ROBO1: variants seen among roughly 807,000 people sequenced by gnomAD.
ROBO1 encodes roundabout homolog 1.
In ROBO1, 149 loss-of-function variants were observed where a neutral mutation model predicts 195.9. The ratio of observed to expected loss-of-function variants is 0.76; its 90% CI spans 0.67 to 0.87. The LOEUF is 0.87. Ranked by LOEUF, ROBO1 falls within the 40% of genes least tolerant of loss-of-function variation. The pLI, the probability that ROBO1 is intolerant of heterozygous loss-of-function variation, is 0.00. For synonymous variants in ROBO1, 816 were observed against 733.2 expected, an observed-to-expected ratio of 1.11 and a Z score of -1.82; for missense variants, 1,933 against 2,068.3, an observed-to-expected ratio of 0.93 and a Z score of 1.27.
In ROBO1 at chr3:78,854,814, T is replaced by G. The variant is rs1239927483; in HGVS notation, c.499+83787A>C. On this transcript the variant is annotated intron_variant, in intron 4 of 30. Coordinates refer to ENST00000464233, the MANE Select transcript of ROBO1 (RefSeq NM_002941.4). ...AAATGCGATGAAGATTATAGGTTCC[T>G]TTCACATATTTCAACTAACTTTTAT... 2.0e-5 allele frequency among the ~76,000 whole-genome samples: 3 copies of G among 152,182 alleles called. No individual in the cohort carries two copies. In the East Asian group the frequency reaches 5.8e-4, roughly 29 times the overall value.
chr3:79,556,792 T>C (rs1330490910), intron 2 of ROBO1, among the ~76,000 whole-genome samples: 2 of 151,940 alleles, frequency 1.3e-5, no homozygotes, highest in Admixed American at 6.6e-5. Context: ...AATGAATACA[T>C]TTCACAAAAG....
intron 1 of ROBO1, among the ~76,000 whole-genome samples, chr3:79,618,810 TGG>T (rs1183834639): frequency 6.6e-6 from 1 of 152,118 alleles, no homozygotes; most frequent in African/African-American, 2.4e-5. Flanking sequence ...AATTTCAAAT[TGG>T]GTAAGTGGTT....
At chr3:78,711,693 TAGTC>T (rs1178689879) in intron 8 of ROBO1, among the ~76,000 whole-genome samples, 2 of 150,736 alleles carry the variant, frequency 1.3e-5, no homozygotes, top group Non-Finnish European at 2.9e-5. Flanking sequence ...TTCACCATGT[TAGTC>T]AGGCCGGTCT....
chr3:79,414,594 C>A (rs1281074494), intron 2 of ROBO1, among the ~76,000 whole-genome samples: 2 of 152,008 alleles, frequency 1.3e-5, no homozygotes, highest in Admixed American at 6.6e-5. Context: ...ACATTTATTC[C>A]TTTTTAATTT....
intron 28 of ROBO1, among the ~76,000 whole-genome samples, chr3:78,612,550 G>C (rs146618915): frequency 6.6e-6 from 1 of 152,128 alleles, no homozygotes; most frequent in Non-Finnish European, 1.5e-5. Context: ...CTTTTATTTA[G>C]TGCATTAACA....
chr3:79,037,608 G>C (rs1411106127), intron 3 of ROBO1, among the ~76,000 whole-genome samples: 1 of 152,110 alleles, frequency 6.6e-6, no homozygotes, highest in Non-Finnish European at 1.5e-5. Context: ...TTGTTCAGAA[G>C]CCATGCTGCT....
At chr3:79,206,612 T>C (rs2081873064) in intron 2 of ROBO1, among the ~76,000 whole-genome samples, 1 of 152,148 alleles carries the variant, frequency 6.6e-6, no homozygotes. Flanking sequence ...TCATTGTATA[T>C]TCATTCAGAT....
Position 79,138,541 on chromosome 3 carries a change from T to C in ROBO1, c.89-13002A>G, listed in dbSNP as rs539972922. Among the ~76,000 whole-genome samples the C allele has an allele frequency of 2.0e-5, 3 of 152,130 alleles. No homozygotes were observed. The South Asian group carries it at 6.2e-4, about 31-fold the overall frequency. On this transcript the variant is annotated intron_variant, in intron 2 of 30. Coordinates refer to ENST00000464233, the MANE Select transcript of ROBO1 (RefSeq NM_002941.4). ...AATTACTATTTCTAATAGAATAACA[T>C]ATTACTTCCTTTTTCTCCCCTGTAA...
At chr3:79,208,687 A>ATGTGTGTGTGTGTG (rs59970776) in intron 2 of ROBO1, among the ~76,000 whole-genome samples, 129 of 145,304 alleles carry the variant, frequency 8.9e-4, no homozygotes, top group African/African-American at 3.1e-3. Context: ...GTGGTGGGGC[A>ATGTGTGTGTGTGTG]TGTGTGTGTG....
chr3:78,712,215 G>T (rs972214495), intron 8 of ROBO1, among the ~76,000 whole-genome samples: 5 of 152,068 alleles, frequency 3.3e-5, no homozygotes, highest in Non-Finnish European at 7.4e-5. Context: ...AATACTCATT[G>T]TATGAGATGT....
intron 2 of ROBO1, among the ~76,000 whole-genome samples, chr3:79,156,194 T>C (rs1168838672): frequency 6.6e-6 from 1 of 151,546 alleles, no homozygotes; most frequent in Admixed American, 6.6e-5. Context: ...TCCTAACCCC[T>C]CTTGGAACTG....
chr3:78,600,331 A>G, intron 29 of ROBO1, 22 bp from the exon 30 acceptor site: 18 of 1,479,458 alleles, frequency 1.2e-5, no homozygotes, highest in Non-Finnish European at 1.7e-5. Context: ...AATATAATAA[A>G]TGCAGGTGAG....
intron 2 of ROBO1, among the ~76,000 whole-genome samples, chr3:79,551,211 T>C (rs1942498096): frequency 6.6e-6 from 1 of 151,940 alleles, no homozygotes; most frequent in African/African-American, 2.4e-5. Context: ...ATTATTATAC[T>C]TTAAGTTTTG....
At chr3:79,681,789 T>C (rs1946957134) in intron 1 of ROBO1, among the ~76,000 whole-genome samples, 1 of 151,978 alleles carries the variant, frequency 6.6e-6, no homozygotes, top group South Asian at 2.1e-4. Context: ...AGGGATAGTG[T>C]CATTCACAGA....
At chr3:79,149,197 T>C (rs1457101149) in intron 2 of ROBO1, among the ~76,000 whole-genome samples, 3 of 151,940 alleles carry the variant, frequency 2.0e-5, no homozygotes, top group East Asian at 3.9e-4. Context: ...TTATATCACG[T>C]TTATTATAAA....
At position 78,996,756 on chromosome 3, in the gene ROBO1, C is replaced by T. The variant is rs76751170; in HGVS notation, c.173-57829G>A. ...CCCCTTTTGAACTTCAGGCTAACAA[C>T]GCCATTTGTTAAACATCTAAAATAA... On this transcript the variant is annotated intron_variant, in intron 3 of 30. Transcript: ENST00000464233. 2.6e-4 allele frequency among the ~76,000 whole-genome samples: 39 copies of T among 152,088 alleles called. No homozygotes were observed. In the East Asian group the frequency reaches 5.2e-3, roughly 20 times the overall value.
chr3:78,961,522 G>C (rs754386161), intron 3 of ROBO1, among the ~76,000 whole-genome samples: 3 of 152,052 alleles, frequency 2.0e-5, no homozygotes, highest in African/African-American at 7.2e-5. Context: ...ATGTACTTAC[G>C]TTCCAATTTG....
intron 3 of ROBO1, among the ~76,000 whole-genome samples, chr3:78,968,295 G>A (rs1314628745): frequency 7.0e-6 from 1 of 141,850 alleles, no homozygotes; most frequent in African/African-American, 2.7e-5. Flanking sequence ...TTTTTTTTAA[G>A]GCAGAGTCTC....
intron 21 of ROBO1, among the ~76,000 whole-genome samples, chr3:78,640,358 T>C (rs1705866059): frequency 6.6e-6 from 1 of 152,160 alleles, no homozygotes; most frequent in Admixed American, 6.6e-5. Context: ...ATTCTTCAAA[T>C]TAAATGTACT....
Sources: allele counts gnomAD v4.1 joint callset (sites outside exome capture counted in the v4.1 genomes callset), GRCh38; gene constraint gnomAD v4.1.1; transcripts MANE v1.5; gene names NCBI Gene and HGNC (gene_info 2026-07-23, HGNC 2026-07-21).